NBAS: variants seen among roughly 807,000 people sequenced by gnomAD.
NBAS encodes NAG/BC035112 fusion.
NBAS carries 219 observed loss-of-function variants against 302.5 expected under a neutral mutation model. That is an observed-to-expected ratio of 0.72 (90% CI 0.65 to 0.81). The LOEUF (loss-of-function observed/expected upper bound fraction) is 0.81, where lower values mean the gene tolerates loss of function less well. Ranked by LOEUF, NBAS falls within the 30% of genes least tolerant of loss-of-function variation. The pLI, the probability that NBAS is intolerant of heterozygous loss-of-function variation, is 0.00. For synonymous variants in NBAS, 1,118 were observed against 1,021.6 expected (o/e 1.09, Z -1.80); for missense variants, 2,932 against 2,841.6 (o/e 1.03, Z -0.72).
chr2:15,057,314 G>GAAA, the NBAS span, among the ~76,000 whole-genome samples: 6,273 of 135,792 alleles, frequency 0.046, 423 homozygotes, highest in African/African-American at 0.11. Context: ...ACAGAAATTT[G>GAAA]AAAAAAAAAA....
intron 40 of NBAS, among the ~76,000 whole-genome samples, chr2:15,307,535 C>T (rs1029195732): frequency 2.0e-5 from 3 of 152,148 alleles, no homozygotes; most frequent in Non-Finnish European, 4.4e-5. Context: ...ATTATCTACT[C>T]TTAAAATGAT....
chr2:15,301,337 G>A (rs1443620230), intron 40 of NBAS, among the ~76,000 whole-genome samples: 1 of 152,200 alleles, frequency 6.6e-6, no homozygotes, highest in East Asian at 1.9e-4. Flanking sequence ...GAGAAATGAG[G>A]TTGCTCAAAG....
the NBAS span, among the ~76,000 whole-genome samples, chr2:15,096,715 C>T: frequency 8.1e-3 from 1,231 of 152,254 alleles, 15 homozygotes; most frequent in African/African-American, 0.028. Flanking sequence ...GCAAAGGGGC[C>T]GCCTCTGCCT....
chr2:15,201,235 T>C (rs1269613145), intron 48 of NBAS, among the ~76,000 whole-genome samples: 1 of 152,104 alleles, frequency 6.6e-6, no homozygotes, highest in Non-Finnish European at 1.5e-5. Context: ...ATGAACACAA[T>C]AAAGTCATAT....
intron 35 of NBAS, among the ~76,000 whole-genome samples, chr2:15,335,032 T>C (rs1249303225): frequency 1.3e-5 from 2 of 152,110 alleles, no homozygotes; most frequent in African/African-American, 2.4e-5. Flanking sequence ...TCAACAAACA[T>C]TCATTCAGAT....
At chr2:15,469,977 A>G (rs1679889945) in intron 16 of NBAS, among the ~76,000 whole-genome samples, 2 of 152,040 alleles carry the variant, frequency 1.3e-5, no homozygotes, top group South Asian at 4.1e-4. Flanking sequence ...CCTAGAACTT[A>G]AAGTAAAATA....
At chr2:15,251,901 G>A (rs1318394312) in intron 44 of NBAS, among the ~76,000 whole-genome samples, 1 of 152,138 alleles carries the variant, frequency 6.6e-6, no homozygotes, top group African/African-American at 2.4e-5. Context: ...ATTTCACCCA[G>A]CTCCTATTCA....
chr2:14,828,257 G>A, the NBAS span, among the ~76,000 whole-genome samples: 2 of 152,302 alleles, frequency 1.3e-5, no homozygotes, highest in African/African-American at 4.8e-5. Flanking sequence ...AAATACACCA[G>A]GTTGGTTTGA....
intron 25 of NBAS, among the ~76,000 whole-genome samples, chr2:15,407,077 G>T (rs1043777014): frequency 2.0e-5 from 3 of 152,176 alleles, no homozygotes. Context: ...TGTGGACAAG[G>T]TTATTCATTG....
At chr2:14,949,376 C>T in the NBAS span, among the ~76,000 whole-genome samples, 1 of 152,004 alleles carries the variant, frequency 6.6e-6, no homozygotes, top group African/African-American at 2.4e-5. Context: ...ATAACAAGCT[C>T]AAAAAACTCA....
chr2:15,445,671 T>C (rs1487692820), intron 21 of NBAS, among the ~76,000 whole-genome samples: 1 of 151,626 alleles, frequency 6.6e-6, no homozygotes, highest in Non-Finnish European at 1.5e-5. Context: ...AAAAAAATTT[T>C]TAAATTTACT....
At position 15,417,812 on chromosome 2, in the gene NBAS, T is replaced by C. The variant is rs145153550; in HGVS notation, c.2578-100A>G. On this transcript the variant is annotated intron_variant, in intron 23 of 51. Coordinates refer to ENST00000281513, the MANE Select transcript of NBAS (RefSeq NM_015909.4). ...ACAGAATCTAATTCTTATAATCATT[T>C]TTTATAAAATTGCATTACCAGTAAC... 1.6e-5 allele frequency: 19 copies of C among 1,185,188 alleles called. No homozygotes were observed. In the African/African-American group the frequency reaches 2.0e-4, roughly 13 times the overall value. The allele number at this position is 1,185,188 out of a possible 1,614,324, so 73.4% of individuals were successfully genotyped here.
intron 26 of NBAS, among the ~76,000 whole-genome samples, chr2:15,397,975 C>G (rs540147725): frequency 4.6e-5 from 7 of 152,282 alleles, no homozygotes; most frequent in African/African-American, 1.4e-4. Flanking sequence ...ATTACACTAT[C>G]TGTTTAAACT....
At chr2:15,539,825 T>C (rs980845283) in intron 6 of NBAS, among the ~76,000 whole-genome samples, 1 of 151,776 alleles carries the variant, frequency 6.6e-6, no homozygotes, top group Non-Finnish European at 1.5e-5. Flanking sequence ...ATGCTAACAT[T>C]GTATTAGAAA....
intron 10 of NBAS, among the ~76,000 whole-genome samples, chr2:15,507,609 T>C (rs1661926268): frequency 6.6e-6 from 1 of 152,190 alleles, no homozygotes; most frequent in Non-Finnish European, 1.5e-5. Context: ...AGGGATAAGG[T>C]GGAATTCAAA....
chr2:15,330,724 C>T lies in NBAS; in HGVS notation c.4221G>A (p.Leu1407=), dbSNP rs34395824. The T allele has an allele frequency of 0.03, 48,231 of 1,613,954 alleles. 843 individuals carry two copies. The highest frequency in any genetic ancestry group is 0.032 in the Non-Finnish European group (38,111 of 1,179,908). The part of the protein sequence containing the change: ...GVPGSNSADL[L]RWTTATTMKV... ...TCATGGTGGTAGCAGTGGTCCAGCGCAATAGGTCAGCTGAATTGCTACCTG... is the reference window on the plus strand; with the variant it reads ...TCATGGTGGTAGCAGTGGTCCAGCGTAATAGGTCAGCTGAATTGCTACCTG... Residue 1407 remains leucine (L), a synonymous_variant, in exon 36 of 52, where the codon TTG becomes TTA. Coordinates refer to ENST00000281513, the MANE Select transcript of NBAS (RefSeq NM_015909.4).
At chr2:15,115,480 T>C in the NBAS span, among the ~76,000 whole-genome samples, 1 of 152,130 alleles carries the variant, frequency 6.6e-6, no homozygotes, top group African/African-American at 2.4e-5. Context: ...AGGCATACAG[T>C]AGATATGCAA....
the NBAS span, among the ~76,000 whole-genome samples, chr2:15,009,626 A>ACACT: frequency 6.7e-6 from 1 of 150,006 alleles, no homozygotes; most frequent in Non-Finnish European, 1.5e-5. Flanking sequence ...ACACACACAC[A>ACACT]CACACACACA....
chr2:15,468,122 A>G (rs576025175), intron 17 of NBAS, among the ~76,000 whole-genome samples: 2 of 149,596 alleles, frequency 1.3e-5, no homozygotes, highest in Admixed American at 6.8e-5. Context: ...TATTTGAATC[A>G]CTTCTACTTA....
Sources: gnomAD v4.1 joint callset for allele counts (sites outside exome capture counted in the v4.1 genomes callset) on GRCh38, gnomAD v4.1.1 for gene constraint, MANE v1.5 for transcripts, NCBI Gene and HGNC (gene_info 2026-07-23, HGNC 2026-07-21) for gene names.